Variants in IGSF11 observed in about 807,000 individuals in gnomAD.
The protein encoded by IGSF11 is immunoglobulin superfamily member 11.
Under a neutral mutation model 41.0 loss-of-function variants are expected in IGSF11, and 22 were observed. The observed-to-expected ratio is 0.54, with a 90% CI of 0.38 to 0.77. The LOEUF is 0.77. Ranked by LOEUF, IGSF11 falls within the 30% of genes least tolerant of loss-of-function variation. The pLI is 0.00. For missense variants in IGSF11, 444 were observed against 530.8 expected, an observed-to-expected ratio of 0.84 and a Z score of 1.61; for synonymous variants, 219 against 201.3, an observed-to-expected ratio of 1.09 and a Z score of -0.74.
At chr3:118,953,074 C>T (rs984345808) in intron 1 of IGSF11, among the ~76,000 whole-genome samples, 25 of 151,860 alleles carry the variant, frequency 1.6e-4, no homozygotes, top group Non-Finnish European at 4.4e-5. Flanking sequence ...CCCACTTTCC[C>T]AAAGTCCATT....
At chr3:118,973,574 T>A (rs573916795) in intron 1 of IGSF11, among the ~76,000 whole-genome samples, 5 of 152,196 alleles carry the variant, frequency 3.3e-5, no homozygotes, top group Admixed American at 3.3e-4. Flanking sequence ...TAAAGGCCTA[T>A]GCTTCAAGCA....
At chr3:118,929,066 G>A (rs1398704080) in intron 2 of IGSF11, among the ~76,000 whole-genome samples, 1 of 152,114 alleles carries the variant, frequency 6.6e-6, no homozygotes. Context: ...CCATTCTCAT[G>A]CTTATTAGGT....
intron 1 of IGSF11, among the ~76,000 whole-genome samples, chr3:119,118,492 G>T (rs1407866125): frequency 6.6e-6 from 1 of 152,218 alleles, no homozygotes. Flanking sequence ...CACAGCACAG[G>T]AACCTTGGGC....
At chr3:119,007,364 G>T (rs1365035315) in intron 1 of IGSF11, among the ~76,000 whole-genome samples, 1 of 144,424 alleles carries the variant, frequency 6.9e-6, no homozygotes, top group Non-Finnish European at 1.5e-5. Context: ...CCCACTGTCT[G>T]GCACTCCCTA....
intron 1 of IGSF11, among the ~76,000 whole-genome samples, chr3:118,941,441 T>C (rs569628613): frequency 6.6e-6 from 1 of 152,242 alleles, no homozygotes; most frequent in African/African-American, 2.4e-5. Flanking sequence ...AAACATCAAC[T>C]AGAATATATT....
rs770678074 is a variant in IGSF11 at position 118,967,699 on chromosome 3, G to A, written c.53-37424C>T. Among the ~76,000 whole-genome samples, 52 of 152,134 alleles carry A rather than the reference G, an allele frequency of 3.4e-4. 1 individual carries two copies. The highest frequency in any genetic ancestry group is 9.8e-4 in the Admixed American group (15 of 15,274). ...GACCACCCTTTCCTGTCCATTTTTCGCATAGTACCCTGTGCCTTTTCTTCT... is the reference window on the plus strand; with the variant it reads ...GACCACCCTTTCCTGTCCATTTTTCACATAGTACCCTGTGCCTTTTCTTCT... On this transcript the variant is annotated intron_variant, in intron 1 of 6. Coordinates refer to ENST00000393775, the MANE Select transcript of IGSF11 (RefSeq NM_001015887.3).
chr3:119,064,290 T>C (rs1042101425), intron 1 of IGSF11, among the ~76,000 whole-genome samples: 1 of 152,200 alleles, frequency 6.6e-6, no homozygotes, highest in Non-Finnish European at 1.5e-5. Flanking sequence ...CTAAGCATCA[T>C]TTGTTTAAAA....
At chr3:118,925,824 C>T (rs28565574) in intron 4 of IGSF11, 4,593 of 195,582 alleles carry the variant, frequency 0.023, 237 homozygotes, top group African/African-American at 0.1. Flanking sequence ...ACAGTTAACA[C>T]AAAGAAGCTA....
chr3:119,055,962 G>A (rs145670178), intron 1 of IGSF11, among the ~76,000 whole-genome samples: 22 of 152,194 alleles, frequency 1.4e-4, no homozygotes, highest in East Asian at 1.2e-3. Context: ...TCTGGGACAC[G>A]TTCAAAGCAG....
intron 1 of IGSF11, among the ~76,000 whole-genome samples, chr3:119,009,059 T>C (rs1937762107): frequency 6.6e-6 from 1 of 151,962 alleles, no homozygotes; most frequent in Non-Finnish European, 1.5e-5. Context: ...TATACATACA[T>C]ACACACACAC....
Position 118,967,502 on chromosome 3 carries a change from G to A in IGSF11, c.53-37227C>T, listed in dbSNP as rs917894718. On this transcript the variant is annotated intron_variant, in intron 1 of 6. Coordinates refer to ENST00000393775, the MANE Select transcript of IGSF11 (RefSeq NM_001015887.3). ...AAATTAAACATAAGCATTTCTAATGGAGCTGCCTCCATCTCCTGCTATTCT... is the reference window on the plus strand; with the variant it reads ...AAATTAAACATAAGCATTTCTAATGAAGCTGCCTCCATCTCCTGCTATTCT... 3.3e-5 allele frequency among the ~76,000 whole-genome samples: 5 copies of A among 152,128 alleles called. 1 individual carries two copies. The highest frequency in any genetic ancestry group is 1.9e-4 in the East Asian group (1 of 5,170).
At chr3:118,984,163 T>C (rs1408362853) in intron 1 of IGSF11, among the ~76,000 whole-genome samples, 3 of 147,796 alleles carry the variant, frequency 2.0e-5, no homozygotes, top group African/African-American at 7.7e-5. Context: ...CTTTGTAATT[T>C]CTGAAATTCA....
intron 1 of IGSF11, among the ~76,000 whole-genome samples, chr3:119,139,497 T>G (rs1444062283): frequency 6.6e-6 from 1 of 152,184 alleles, no homozygotes; most frequent in Non-Finnish European, 1.5e-5. Context: ...ATAAGTCTCA[T>G]GAGATCTGAT....
chr3:119,007,612 C>T (rs551356839), intron 1 of IGSF11, among the ~76,000 whole-genome samples: 1 of 152,108 alleles, frequency 6.6e-6, no homozygotes, highest in Non-Finnish European at 1.5e-5. Flanking sequence ...AGAGTATCCA[C>T]TTTTTCACCT....
intron 1 of IGSF11, among the ~76,000 whole-genome samples, chr3:118,950,523 G>A (rs1418968786): frequency 6.6e-6 from 1 of 151,866 alleles, no homozygotes; most frequent in Non-Finnish European, 1.5e-5. Context: ...TCTCACTGAT[G>A]TATTTCTCCT....
intron 1 of IGSF11, among the ~76,000 whole-genome samples, chr3:119,050,555 A>G (rs1200354716): frequency 6.6e-6 from 1 of 151,670 alleles, no homozygotes; most frequent in Non-Finnish European, 1.5e-5. Flanking sequence ...GTGGGACTGT[A>G]AAGTAGTTCA....
intron 1 of IGSF11, among the ~76,000 whole-genome samples, chr3:119,098,311 A>G (rs949224944): frequency 6.6e-6 from 1 of 152,188 alleles, no homozygotes; most frequent in Non-Finnish European, 1.5e-5. Flanking sequence ...GAGTGTGAAT[A>G]ATAAGTGATA....
At chr3:118,906,435 CAA>C (rs1384009627) in intron 4 of IGSF11, among the ~76,000 whole-genome samples, 1 of 152,132 alleles carries the variant, frequency 6.6e-6, no homozygotes, top group Non-Finnish European at 1.5e-5. Flanking sequence ...GTCCCTGAGC[CAA>C]AGTCACCTGT....
In IGSF11 at chr3:118,904,611, C is replaced by T. The variant is rs763059912; in HGVS notation, c.854+37G>A. 14 of 1,464,824 alleles carry T rather than the reference C, an allele frequency of 9.6e-6. No individual in the cohort carries two copies. In the African/African-American group the frequency reaches 2.0e-4, roughly 21 times the overall value. The allele number at this position is 1,464,824 out of a possible 1,614,324, so 90.7% of individuals were successfully genotyped here. A position where few individuals can be genotyped will look rare whatever the true frequency, so the allele number is the denominator to read the frequency against. On this transcript the variant is annotated intron_variant, in intron 6 of 6. Coordinates refer to ENST00000393775, the MANE Select transcript of IGSF11 (RefSeq NM_001015887.3). ...ACAAATGAATAGAAGTACACAATGG[C>T]TATGCAGGACAAATTTTAAAAATCT...
Sources: gnomAD v4.1 joint callset for allele counts (sites outside exome capture counted in the v4.1 genomes callset) on GRCh38, gnomAD v4.1.1 for gene constraint, MANE v1.5 for transcripts, NCBI Gene and HGNC (gene_info 2026-07-23, HGNC 2026-07-21) for gene names.